C2CD2: variants seen among roughly 807,000 people sequenced by gnomAD.
The protein encoded by C2CD2 is C2 calcium dependent domain containing 2.
A neutral mutation model predicts 74.3 loss-of-function variants in C2CD2; 43 were observed. The observed-to-expected ratio is 0.58, with a 90% confidence interval of 0.45 to 0.75. C2CD2 has a LOEUF of 0.75. C2CD2 is among the 30% of genes least tolerant of loss of function. The probability of loss-of-function intolerance (pLI) is 0.00; values close to 1 mark genes in which losing one functional copy is unlikely to be tolerated. For synonymous variants in C2CD2, 422 were observed against 390.7 expected, an observed-to-expected ratio of 1.08 and a Z score of -0.94; for missense variants, 801 against 916.3, an observed-to-expected ratio of 0.87 and a Z score of 1.63.
intron 13 of C2CD2, among the ~76,000 whole-genome samples, chr21:41,898,092 C>T (rs187076831): frequency 6.6e-6 from 1 of 152,316 alleles, no homozygotes; most frequent in African/African-American, 2.4e-5. Flanking sequence ...AACAAAGCTC[C>T]CCCAAGGAGC....
chr21:41,909,380 C>T (rs1010020927), intron 8 of C2CD2, 79 bp downstream of exon 8: 10 of 942,496 alleles, frequency 1.1e-5, no homozygotes, highest in Admixed American at 3.4e-5. Flanking sequence ...GATCTCCCAC[C>T]GCCCTTTTCC....
chr21:41,929,420 G>A lies in C2CD2; in HGVS notation c.379-7335C>T, dbSNP rs1358589176. Among the ~76,000 whole-genome samples, 1 of 152,200 alleles carries A rather than the reference G, an allele frequency of 6.6e-6. No homozygotes were observed. Among genetic ancestry groups the A allele is most frequent in the Admixed American group, 6.5e-5 (1 of 15,282 alleles). ...CATGCGGGGTACTGCACGGGCACAG[G>A]CCTGCCCTGCTTCCCACAGCCCTGC... is the stretch of plus-strand genomic sequence containing the variant. On this transcript the variant is annotated intron_variant, in intron 2 of 13. Transcript: ENST00000380486. This position sits in a 1 kb window ranked among gnomAD's most constrained non-coding sequence, Gnocchi z 4.6.
At chr21:41,947,910 C>T (rs1231777223) in intron 1 of C2CD2, among the ~76,000 whole-genome samples, 1 of 152,218 alleles carries the variant, frequency 6.6e-6, no homozygotes, top group Non-Finnish European at 1.5e-5. Context: ...AGTGCCTTCC[C>T]TCCTCAGCAA....
At position 41,948,898 on chromosome 21, in the gene C2CD2, T is replaced by TTTTTTTG. The variant is rs1190582765; in HGVS notation, c.279+4471_279+4472insCAAAAAA. 1.4e-5 allele frequency among the ~76,000 whole-genome samples: 2 copies of TTTTTTTG among 143,134 alleles called. 1 individual carries two copies. The highest frequency in any genetic ancestry group is 3.1e-5 in the Non-Finnish European group (2 of 65,098). The allele number at this position is 143,134 out of a possible 152,430, so 93.9% of individuals were successfully genotyped here. A position where few individuals can be genotyped will look rare whatever the true frequency, so the allele number is the denominator to read the frequency against. On this transcript the variant is annotated intron_variant, in intron 1 of 13. Transcript: ENST00000380486. Reference sequence around the variant, plus strand: ...TTTTTTTTTTTTTTTTTTTTCTTTTTTTTTACAAAGACCATAATGATCATA... The same window carrying TTTTTTTG: ...TTTTTTTTTTTTTTTTTTTTCTTTTTTTTTTTGTTTTACAAAGACCATAATGATCATA...
chr21:41,907,151 G>T lies in C2CD2; in HGVS notation c.1159C>A (p.Pro387Thr). Reference protein sequence around the residue: ...SVTAEFSYMEPGELKSWPIPP... With the variant: ...SVTAEFSYMETGELKSWPIPP... ...ATGGGCCAGGATTTCAATTCACCAG[G>T]TTCCATGTAAGAGAACTGCAGAGAA... The change falls in exon 10 of 14, where the codon CCT becomes ACT. Residue 387 changes from proline to threonine, a missense_variant. Pro to Thr is a conservative substitution (Grantham distance 38, BLOSUM62 -1). Coordinates refer to ENST00000380486, the MANE Select transcript of C2CD2 (RefSeq NM_015500.2). 1 of 1,614,138 alleles carries T rather than the reference G, an allele frequency of 6.2e-7. No homozygotes were observed. Among genetic ancestry groups the T allele is most frequent in the Non-Finnish European group, 8.5e-7 (1 of 1,179,970 alleles).
intron 1 of C2CD2, among the ~76,000 whole-genome samples, chr21:41,944,153 G>C (rs1435727291): frequency 2.0e-5 from 3 of 152,196 alleles, no homozygotes; most frequent in Admixed American, 2.0e-4. Context: ...GCAGACTCAT[G>C]CTCCCCTGAG....
At chr21:41,921,919 A>G (rs1448999229) in intron 3 of C2CD2, 53 bp downstream of exon 3, 3 of 1,120,398 alleles carry the variant, frequency 2.7e-6, no homozygotes, top group Non-Finnish European at 4.1e-6. Context: ...CACTCTTCAC[A>G]TTTCTGAGAA....
In C2CD2 at chr21:41,953,673, C is replaced by T. The variant is rs1011642378; in HGVS notation, c.-25G>A. ...TGGCGCATCCCCGGCCCGCCTCGCC[C>T]CAACTTCCCCGGCAGCCCCGGGCCG... On this transcript the variant is annotated 5_prime_UTR_variant, in exon 1 of 14. Coordinates refer to ENST00000380486, the MANE Select transcript of C2CD2 (RefSeq NM_015500.2). 1.4e-6 allele frequency: 2 copies of T among 1,382,968 alleles called. No homozygotes were observed. Among genetic ancestry groups the T allele is most frequent in the East Asian group, 6.2e-5 (2 of 32,346 alleles). 85.7% of individuals were successfully genotyped at this position (1,382,968 alleles called of 1,614,324 possible).
Position 41,918,870 on chromosome 21 carries a change from T to C in C2CD2, c.583A>G (p.Lys195Glu), listed in dbSNP as rs372730446. 40 of 1,613,742 alleles carry C rather than the reference T, an allele frequency of 2.5e-5. No individual in the cohort carries two copies. The highest frequency in any genetic ancestry group is 3.2e-5 in the Non-Finnish European group (38 of 1,179,732). The part of the protein sequence containing the change: ...VPEMAVNIQP[K>E]ALGEDQVAET... Reference sequence around the variant, plus strand: ...TACGGACTGACCTCCCCCAGTGCTTTGGGCTGGATATTAACGGCCATTTCC... The same window carrying C: ...TACGGACTGACCTCCCCCAGTGCTTCGGGCTGGATATTAACGGCCATTTCC... Residue 195 changes from lysine (K) to glutamate (E), a missense_variant, in exon 4 of 14, where the codon AAA (lysine) becomes GAA (glutamate). Lys to Glu is a moderately conservative substitution (Grantham distance 56). Coordinates refer to ENST00000380486, the MANE Select transcript of C2CD2 (RefSeq NM_015500.2).
Position 41,901,648 on chromosome 21 carries a change from T to G in C2CD2, c.1534A>C (p.Thr512Pro), listed in dbSNP as rs2064898990. The change falls in exon 12 of 14, where the codon ACT becomes CCT. Residue 512 changes from threonine to proline, a missense_variant. Transcript: ENST00000380486. ...TTGGAGATCCCTGATATGATAATAG[T>G]GCTTTTCTTCCGTGGCGACTTGAGT... is the stretch of plus-strand genomic sequence containing the variant. ...LKLKSPRKKS[T>P]IIISGISKTS... 14 of 1,614,094 alleles carry G rather than the reference T, an allele frequency of 8.7e-6. No individual in the cohort carries two copies. Among genetic ancestry groups the G allele is most frequent in the Non-Finnish European group, 1.2e-5 (14 of 1,180,022 alleles).
rs1209027833 is a variant in C2CD2 at position 41,893,595 on chromosome 21, C to A, written c.1871-4251G>T. Among the ~76,000 whole-genome samples the A allele has an allele frequency of 2.0e-5, 3 of 152,266 alleles. No individual in the cohort carries two copies. The East Asian group carries it at 5.8e-4, about 29-fold the overall frequency. On this transcript the variant is annotated intron_variant, in intron 13 of 13. Transcript: ENST00000380486. ...GACCTCTGCCCCAGGGAGCTCTGTG[C>A]CTCTTCTTACACCCTACCGAGAGGG...
chr21:41,901,701 C>A lies in C2CD2; in HGVS notation c.1481G>T (p.Arg494Leu). Residue 494 changes from arginine to leucine, a missense_variant, in exon 12 of 14, where the codon CGA becomes CTA. Arg to Leu is a moderately radical substitution (Grantham distance 102). Coordinates refer to ENST00000380486, the MANE Select transcript of C2CD2 (RefSeq NM_015500.2). ...CAGCTTTGAAGATTCACTGAGCTGT[C>A]GAATGGCCACTTCAGCCACTGGATC... is the stretch of plus-strand genomic sequence containing the variant. ...GSDPVAEVAIRQLSESSKLKL... is the reference protein window; with the variant it reads ...GSDPVAEVAILQLSESSKLKL... The A allele has an allele frequency of 6.2e-7, 1 of 1,613,802 alleles. No homozygotes were observed. Among genetic ancestry groups the A allele is most frequent in the Non-Finnish European group, 8.5e-7 (1 of 1,179,676 alleles).
rs2065184238 is a variant in C2CD2, at chr21:41,924,158, C to G, written c.379-2073G>C. On this transcript the variant is annotated intron_variant, in intron 2 of 13. Transcript: ENST00000380486. This position sits in a 1 kb window ranked among gnomAD's most constrained non-coding sequence, Gnocchi z 4.4. The stretch of plus-strand genomic sequence containing the variant: ...TGGAAAGATTATCAAAATAATTACT[C>G]AGTCAGGGCCTGCTATTCCCCCAAG... Among the ~76,000 whole-genome samples, 1 of 152,204 alleles carries G rather than the reference C, an allele frequency of 6.6e-6. No homozygotes were observed. The highest frequency in any genetic ancestry group is 1.5e-5 in the Non-Finnish European group (1 of 68,042).
rs759984027 is a variant in C2CD2, at chr21:41,912,408, T to A, written c.877A>T (p.Asn293Tyr). The change falls in exon 7 of 14, where the codon AAC (asparagine) becomes TAC (tyrosine). Residue 293 changes from asparagine (N) to tyrosine (Y), a missense_variant. Asn to Tyr is a moderately radical substitution (Grantham distance 143). Transcript: ENST00000380486. ...CTGGAGAACCTCTGAACAGGATCGT[T>A]CAGCTGCACGACGCACACTGCATTA... Reference protein sequence around the residue: ...HINAVCVVQLNDPVQRFSSTL... With the variant: ...HINAVCVVQLYDPVQRFSSTL... 1 of 1,612,882 alleles carries A rather than the reference T, an allele frequency of 6.2e-7. No homozygotes were observed. Among genetic ancestry groups the A allele is most frequent in the East Asian group, 2.2e-5 (1 of 44,878 alleles).
rs1302924672 is a variant in C2CD2, at chr21:41,929,152, G to A, written c.379-7067C>T. On this transcript the variant is annotated intron_variant, in intron 2 of 13. Coordinates refer to ENST00000380486, the MANE Select transcript of C2CD2 (RefSeq NM_015500.2). This position sits in a 1 kb window ranked among gnomAD's most constrained non-coding sequence, Gnocchi z 4.6. ...TGCAAAAAGATCACACTAATGGCAT[G>A]GTTTATTTTGTGCTGTGGTTGGAGC... Among the ~76,000 whole-genome samples, 2 of 152,192 alleles carry A rather than the reference G, an allele frequency of 1.3e-5. No individual in the cohort carries two copies. The highest frequency in any genetic ancestry group is 2.1e-4 in the South Asian group (1 of 4,812).
chr21:41,946,840 A>C (rs2065401643), intron 1 of C2CD2, among the ~76,000 whole-genome samples: 1 of 152,118 alleles, frequency 6.6e-6, no homozygotes, highest in Non-Finnish European at 1.5e-5. Context: ...ACCATATGAA[A>C]ATGCCAGGCA....
At chr21:41,944,372 A>G (rs1271323999) in intron 1 of C2CD2, among the ~76,000 whole-genome samples, 1 of 151,874 alleles carries the variant, frequency 6.6e-6, no homozygotes, top group Non-Finnish European at 1.5e-5. Context: ...CACAAAAAAA[A>G]TTAGCCAGGC....
At chr21:41,925,856 T>C (rs923060478) in intron 2 of C2CD2, among the ~76,000 whole-genome samples, 1 of 152,126 alleles carries the variant, frequency 6.6e-6, no homozygotes, top group Admixed American at 6.5e-5. Context: ...TCTACCTAAA[T>C]ACCCACGAGT....
At chr21:41,897,178 C>T (rs1569055794) in intron 13 of C2CD2, among the ~76,000 whole-genome samples, 2 of 152,296 alleles carry the variant, frequency 1.3e-5, no homozygotes, top group Non-Finnish European at 2.9e-5. Flanking sequence ...AAAGACCTCC[C>T]GGAAGGGAAA....
Sources: gnomAD v4.1 joint callset for allele counts (sites outside exome capture counted in the v4.1 genomes callset) on GRCh38, gnomAD v4.1.1 for gene constraint, Gnocchi (gnomAD v3.1) non-coding constraint, MANE v1.5 for transcripts, NCBI Gene and HGNC (gene_info 2026-07-23, HGNC 2026-07-21) for gene names.